The following ANKFN1 variants were observed in gnomAD, a reference collection of about 807,000 sequenced individuals.
The protein encoded by ANKFN1 is ankyrin repeat and fibronectin type-III domain-containing protein 1.
ANKFN1 carries 74 observed loss-of-function variants against 108.7 expected under a neutral mutation model. The observed-to-expected ratio is 0.68, with a 90% CI of 0.56 to 0.83. The LOEUF (loss-of-function observed/expected upper bound fraction) is 0.83, where lower values mean the gene tolerates loss of function less well. Among genes scored for constraint, ANKFN1 ranks in the 40% least tolerant of loss-of-function variants. The probability of loss-of-function intolerance (pLI) is 0.00; values close to 1 mark genes in which losing one functional copy is unlikely to be tolerated. For missense variants in ANKFN1, 1,505 were observed against 1,382.3 expected, an observed-to-expected ratio of 1.09 and a Z score of -1.41; for synonymous variants, 547 against 516.2, an observed-to-expected ratio of 1.06 and a Z score of -0.81.
At chr17:56,264,026 TC>T (rs1413317446) in intron 3 of ANKFN1, among the ~76,000 whole-genome samples, 1 of 152,160 alleles carries the variant, frequency 6.6e-6, no homozygotes, top group Non-Finnish European at 1.5e-5. Context: ...CCCGTACCCC[TC>T]ACTTTCCAGA....
intron 4 of ANKFN1, among the ~76,000 whole-genome samples, chr17:56,082,069 T>C (rs1905252425): frequency 6.6e-6 from 1 of 152,168 alleles, no homozygotes; most frequent in Non-Finnish European, 1.5e-5. Flanking sequence ...TGACCATCAC[T>C]TGATGGGCGC....
At chr17:56,305,657 A>G (rs1431844378) in intron 3 of ANKFN1, among the ~76,000 whole-genome samples, 1 of 152,178 alleles carries the variant, frequency 6.6e-6, no homozygotes, top group African/African-American at 2.4e-5. Context: ...TTAAAGTCCA[A>G]TTTGTCATTT....
At chr17:56,404,509 T>G (rs1394392148) in intron 8 of ANKFN1, among the ~76,000 whole-genome samples, 1 of 152,188 alleles carries the variant, frequency 6.6e-6, no homozygotes, top group African/African-American at 2.4e-5. Flanking sequence ...TCCTGACTTT[T>G]TTATGGTTTT....
At chr17:56,382,706 C>A (rs1257577199) in intron 8 of ANKFN1, among the ~76,000 whole-genome samples, 7 of 152,098 alleles carry the variant, frequency 4.6e-5, no homozygotes, top group Admixed American at 3.3e-4. Context: ...TGACTTTAAA[C>A]CAACAAAGAT....
chr17:56,132,700 G>A (rs957299031), intron 4 of ANKFN1, among the ~76,000 whole-genome samples: 14 of 152,132 alleles, frequency 9.2e-5, no homozygotes, highest in African/African-American at 3.4e-4. Flanking sequence ...TAAGATGCCT[G>A]TAGATTCAGC....
chr17:56,511,425 A>C lies in ANKFN1; in HGVS notation c.*156A>C. 1 of 888,916 alleles carries C rather than the reference A, an allele frequency of 1.1e-6. No homozygotes were observed. Among genetic ancestry groups the C allele is most frequent in the Middle Eastern group, 3.5e-4 (1 of 2,832 alleles). 55.1% of individuals were successfully genotyped at this position (888,916 alleles called of 1,614,324 possible). Reference sequence around the variant, plus strand: ...AAGTTCAAGGTCCTCTTTTTTTGGAACAGAGTGGTGGGTGGAGGCCAGAGT... The same window carrying C: ...AAGTTCAAGGTCCTCTTTTTTTGGACCAGAGTGGTGGGTGGAGGCCAGAGT... On this transcript the variant is annotated 3_prime_UTR_variant, in exon 21 of 21. Transcript: ENST00000682825.
In ANKFN1 at chr17:56,273,807, A is replaced by G. The variant is rs190376329; in HGVS notation, c.53+45850A>G. The stretch of plus-strand genomic sequence containing the variant: ...AAAAACATCTTTCATCTTCAGAACT[A>G]TATAGTAAGGTTAGGACATTTTCAG... On this transcript the variant is annotated intron_variant, in intron 3 of 20. Coordinates refer to ENST00000682825, the MANE Select transcript of ANKFN1 (RefSeq NM_001370326.1). Among the ~76,000 whole-genome samples the G allele has an allele frequency of 2.6e-5, 4 of 152,348 alleles. No individual in the cohort carries two copies. The East Asian group carries it at 5.8e-4, about 22-fold the overall frequency.
chr17:56,062,954 G>A (rs1905001004), intron 4 of ANKFN1, among the ~76,000 whole-genome samples: 1 of 152,132 alleles, frequency 6.6e-6, no homozygotes, highest in South Asian at 2.1e-4. Context: ...TTGCTTGTCT[G>A]GAAAGAAATT....
At chr17:56,103,060 G>A (rs1905678170) in intron 4 of ANKFN1, among the ~76,000 whole-genome samples, 1 of 152,126 alleles carries the variant, frequency 6.6e-6, no homozygotes, top group African/African-American at 2.4e-5. Flanking sequence ...CATTTAATAG[G>A]GCTGCTACCT....
intron 4 of ANKFN1, among the ~76,000 whole-genome samples, chr17:56,333,912 A>T (rs1257143518): frequency 6.6e-6 from 1 of 152,102 alleles, no homozygotes; most frequent in Non-Finnish European, 1.5e-5. Context: ...AGTTGTAGAG[A>T]CCAGCCCACC....
At chr17:56,094,474 CTTTTTTTTTTTTTT>C (rs60149030) in intron 4 of ANKFN1, among the ~76,000 whole-genome samples, 16 of 75,974 alleles carry the variant, frequency 2.1e-4, no homozygotes, top group African/African-American at 6.4e-4. Context: ...GTTGTTTCTT[CTTTTTTTTTTTTTT>C]TTTTTTTTTT....
intron 3 of ANKFN1, among the ~76,000 whole-genome samples, chr17:56,310,763 T>C (rs1386691635): frequency 6.6e-6 from 1 of 152,086 alleles, no homozygotes; most frequent in Non-Finnish European, 1.5e-5. Flanking sequence ...TGTGTGTGTG[T>C]GTGTGTGTGT....
At chr17:56,422,886 G>A (rs1220396607) in intron 8 of ANKFN1, among the ~76,000 whole-genome samples, 1 of 152,196 alleles carries the variant, frequency 6.6e-6, no homozygotes, top group Non-Finnish European at 1.5e-5. Context: ...GCTAGACCAC[G>A]TGCTTGGTCT....
intron 20 of ANKFN1, among the ~76,000 whole-genome samples, chr17:56,507,087 T>A (rs1795016404): frequency 6.6e-6 from 1 of 152,210 alleles, no homozygotes; most frequent in South Asian, 2.1e-4. Context: ...GGAGTTCAAC[T>A]ACAGTCAATT....
At chr17:56,377,208 A>C (rs963064142) in intron 8 of ANKFN1, among the ~76,000 whole-genome samples, 1 of 152,192 alleles carries the variant, frequency 6.6e-6, no homozygotes, top group Non-Finnish European at 1.5e-5. Flanking sequence ...TGCTTAAGCT[A>C]GGGTGTATTT....
chr17:56,381,901 G>A (rs2047116882), intron 8 of ANKFN1, among the ~76,000 whole-genome samples: 1 of 152,008 alleles, frequency 6.6e-6, no homozygotes, highest in Non-Finnish European at 1.5e-5. Context: ...ATCTAGCAAG[G>A]CAGGCCAACA....
intron 1 of ANKFN1, among the ~76,000 whole-genome samples, chr17:56,171,232 A>C (rs917269313): frequency 2.0e-5 from 3 of 151,852 alleles, no homozygotes; most frequent in Non-Finnish European, 4.4e-5. Context: ...GGCCTTTTGT[A>C]CTCACTCTCC....
intron 1 of ANKFN1, among the ~76,000 whole-genome samples, chr17:56,211,046 G>A (rs1914958269): frequency 6.6e-6 from 1 of 152,210 alleles, no homozygotes; most frequent in Non-Finnish European, 1.5e-5. Context: ...ATCCCACTCT[G>A]TGGGTTTTCT....
intron 4 of ANKFN1, among the ~76,000 whole-genome samples, chr17:56,116,387 A>G (rs1184571055): frequency 6.6e-6 from 1 of 152,112 alleles, no homozygotes; most frequent in Non-Finnish European, 1.5e-5. Flanking sequence ...TTGTTTGCAT[A>G]TGGTTTGTTT....
Sources: gnomAD v4.1 joint callset for allele counts (sites outside exome capture counted in the v4.1 genomes callset) on GRCh38, gnomAD v4.1.1 for gene constraint, MANE v1.5 for transcripts, NCBI Gene and HGNC (gene_info 2026-07-23, HGNC 2026-07-21) for gene names.